The following SMARCA2 variants were observed in gnomAD, a reference collection of about 807,000 sequenced individuals.
SMARCA2 encodes the protein SWI/SNF related BAF chromatin remodeling complex subunit ATPase 2, also known as SWI/SNF-related matrix-associated actin-dependent regulator of chromatin subfamily A member 2.
Under a neutral mutation model 199.8 loss-of-function variants are expected in SMARCA2, and 61 were observed. The ratio of observed to expected loss-of-function variants is 0.31; its 90% CI spans 0.25 to 0.38. The LOEUF (loss-of-function observed/expected upper bound fraction) is 0.38. Ranked by LOEUF, SMARCA2 falls within the 10% of genes least tolerant of loss-of-function variation. SMARCA2 has a pLI of 1.00. For synonymous variants in SMARCA2, 935 were observed against 732.0 expected (o/e 1.28, Z -4.48); for missense variants, 1,344 against 2,012.2 (o/e 0.67, Z 6.35).
At chr9:2,167,441 G>C (rs1586780769) in intron 28 of SMARCA2, among the ~76,000 whole-genome samples, 1 of 152,336 alleles carries the variant, frequency 6.6e-6, no homozygotes, top group African/African-American at 2.4e-5. Context: ...GTCTGTAAAA[G>C]GGTTTGGACA....
chr9:2,150,189 G>C (rs1824990769), intron 27 of SMARCA2, among the ~76,000 whole-genome samples: 1 of 151,582 alleles, frequency 6.6e-6, no homozygotes, highest in Non-Finnish European at 1.5e-5. Flanking sequence ...GTTGGCCTCT[G>C]CTTATTCATG....
chr9:2,172,997 G>A (rs769496564), intron 29 of SMARCA2, among the ~76,000 whole-genome samples: 1 of 152,202 alleles, frequency 6.6e-6, no homozygotes, highest in Non-Finnish European at 1.5e-5. Context: ...GTGGCAGTAG[G>A]TAGGAAGACA....
At chr9:2,130,076 A>G in intron 27 of SMARCA2, among the ~76,000 whole-genome samples, 1 of 151,510 alleles carries the variant, frequency 6.6e-6, no homozygotes, top group Non-Finnish European at 1.5e-5. Context: ...CTGGTCTTGA[A>G]CTCCTGAGCT....
At chr9:2,020,055 T>C (rs1349550254) in intron 1 of SMARCA2, among the ~76,000 whole-genome samples, 1 of 152,216 alleles carries the variant, frequency 6.6e-6, no homozygotes, top group Non-Finnish European at 1.5e-5. Context: ...GATTTGATTC[T>C]GTTTCTGGTC....
At position 2,056,038 on chromosome 9, in the gene SMARCA2, C is replaced by T. The variant is rs1164056717; in HGVS notation, c.1174-634C>T. Among the ~76,000 whole-genome samples, 1 of 152,150 alleles carries T rather than the reference C, an allele frequency of 6.6e-6. No homozygotes were observed. Among genetic ancestry groups the T allele is most frequent in the South Asian group, 2.1e-4 (1 of 4,822 alleles). On this transcript the variant is annotated intron_variant, in intron 6 of 33. Transcript: ENST00000349721. The surrounding 1 kb of genome is among the most constrained non-coding windows in gnomAD (Gnocchi z 4.0). Reference sequence around the variant, plus strand: ...AATGTGTATTCTCCAGTCCCTACCCCCTACCACCACATAACATGCAATACA... The same window carrying T: ...AATGTGTATTCTCCAGTCCCTACCCTCTACCACCACATAACATGCAATACA...
intron 8 of SMARCA2, among the ~76,000 whole-genome samples, chr9:2,059,514 A>C (rs186996430): frequency 1.3e-5 from 2 of 152,276 alleles, no homozygotes; most frequent in Admixed American, 6.5e-5. Context: ...AATTTGTCTG[A>C]CTCAACTGAA....
At chr9:2,036,312 G>C (rs1819331051) in intron 3 of SMARCA2, among the ~76,000 whole-genome samples, 1 of 152,082 alleles carries the variant, frequency 6.6e-6, no homozygotes, top group Admixed American at 6.5e-5. Flanking sequence ...TGAAACTGGG[G>C]AGATAATAGC....
intron 27 of SMARCA2, among the ~76,000 whole-genome samples, chr9:2,154,996 G>T (rs1469049898): frequency 6.6e-6 from 1 of 152,152 alleles, no homozygotes; most frequent in African/African-American, 2.4e-5. Flanking sequence ...GTTCTCCATT[G>T]TTTCTCTAAG....
chr9:2,124,832 C>T (rs1199235590), intron 27 of SMARCA2, among the ~76,000 whole-genome samples: 1 of 152,210 alleles, frequency 6.6e-6, no homozygotes, highest in Non-Finnish European at 1.5e-5. Flanking sequence ...GTTAGCTCTA[C>T]TTCCCATTTT....
intron 10 of SMARCA2, among the ~76,000 whole-genome samples, chr9:2,072,366 C>T (rs1821125389): frequency 6.6e-6 from 1 of 152,192 alleles, no homozygotes; most frequent in Non-Finnish European, 1.5e-5. Context: ...TGATTATATT[C>T]AAGTGTGATT....
At chr9:2,126,131 G>C (rs186553758) in intron 27 of SMARCA2, among the ~76,000 whole-genome samples, 1 of 152,184 alleles carries the variant, frequency 6.6e-6, no homozygotes, top group African/African-American at 2.4e-5. Context: ...TCTTTTTAGC[G>C]CATCTAGTAA....
chr9:2,159,410 T>G lies in SMARCA2; in HGVS notation c.3982-2276T>G, dbSNP rs1586769272. The G allele has an allele frequency of 1.5e-5, 3 of 203,746 alleles. No homozygotes were observed. The East Asian group carries it at 3.5e-4, about 24-fold the overall frequency. The allele number at this position is 203,746 out of a possible 1,614,324, so 12.6% of individuals were successfully genotyped here. A position where few individuals can be genotyped will look rare whatever the true frequency, so the allele number is the denominator to read the frequency against. ...TTAATTTTCTTAAAAAATTGTCTTC[T>G]GTTTTAAAAATCATTTAGACTGCTC... On this transcript the variant is annotated intron_variant, in intron 27 of 33. Transcript: ENST00000349721.
chr9:2,050,550 A>G (rs1300159482), intron 5 of SMARCA2, among the ~76,000 whole-genome samples: 7 of 152,202 alleles, frequency 4.6e-5, no homozygotes, highest in African/African-American at 1.2e-4. Flanking sequence ...TCTTCGGAAT[A>G]AAGTCAGACT....
At chr9:2,057,986 T>C (rs984742731) in intron 7 of SMARCA2, among the ~76,000 whole-genome samples, 4 of 152,238 alleles carry the variant, frequency 2.6e-5, no homozygotes, top group African/African-American at 9.6e-5. Context: ...ATTTTATCAT[T>C]GCCATTTTGT....
chr9:2,019,061 C>T (rs572552744), intron 1 of SMARCA2, among the ~76,000 whole-genome samples: 2 of 151,264 alleles, frequency 1.3e-5, no homozygotes, highest in African/African-American at 4.9e-5. Flanking sequence ...CTTTACAATG[C>T]AAATGTTTGC....
chr9:2,155,471 T>C (rs925356643), intron 27 of SMARCA2, among the ~76,000 whole-genome samples: 5 of 152,178 alleles, frequency 3.3e-5, no homozygotes, highest in African/African-American at 4.8e-5. Flanking sequence ...TTAGTAGAGA[T>C]GGTGTTTCAC....
In SMARCA2 at chr9:2,182,259, T is replaced by A; in HGVS notation, c.4461+17T>A. The A allele has an allele frequency of 6.7e-7, 1 of 1,483,608 alleles. No individual in the cohort carries two copies. The highest frequency in any genetic ancestry group is 9.4e-7 in the Non-Finnish European group (1 of 1,067,536). 91.9% of individuals were successfully genotyped at this position (1,483,608 alleles called of 1,614,324 possible). A position where few individuals can be genotyped will look rare whatever the true frequency, so the allele number is the denominator to read the frequency against. On this transcript the variant is annotated intron_variant, in intron 31 of 33. Transcript: ENST00000349721. ...GGATCCCAGGTCTGTCTTGTTAAGT[T>A]GTCTAAAAGTTCTTAACTGTAAATG... is the stretch of plus-strand genomic sequence containing the variant.
chr9:2,140,580 G>T (rs1402005492), intron 27 of SMARCA2, among the ~76,000 whole-genome samples: 1 of 152,164 alleles, frequency 6.6e-6, no homozygotes, highest in African/African-American at 2.4e-5. Context: ...AAACTGTAAA[G>T]TAGAATTTAT....
chr9:2,133,079 G>A (rs901443759), intron 27 of SMARCA2, among the ~76,000 whole-genome samples: 1 of 152,106 alleles, frequency 6.6e-6, no homozygotes, highest in East Asian at 1.9e-4. Context: ...CTGAAATCAG[G>A]ATTCAGCTCT....
Sources: gnomAD v4.1 joint callset for allele counts (sites outside exome capture counted in the v4.1 genomes callset) on GRCh38, gnomAD v4.1.1 for gene constraint, Gnocchi (gnomAD v3.1) non-coding constraint, MANE v1.5 for transcripts, NCBI Gene and HGNC (gene_info 2026-07-23, HGNC 2026-07-21) for gene names.